The following BANF2 variants were observed in gnomAD, a reference collection of about 807,000 sequenced individuals.
BANF2 encodes BANF family member 2, also known as barrier-to-autointegration factor-like protein.
A neutral mutation model predicts 8.0 loss-of-function variants in BANF2; 4 were observed. That is an observed-to-expected ratio of 0.50 (90% confidence interval 0.25 to 1.14). The LOEUF is 1.14. BANF2 is among the 50% of genes most tolerant of loss of function. The probability of loss-of-function intolerance (pLI) is 0.16; values close to 1 mark genes in which losing one functional copy is unlikely to be tolerated. For missense variants in BANF2, 96 were observed against 107.5 expected (o/e 0.89, Z 0.47); for synonymous variants, 50 against 40.6 (o/e 1.23, Z -0.88).
rs7266953 is a variant in BANF2 at position 17,735,578 on chromosome 20, A to T, written c.127-87A>T. ...CTCCCCCTCCTTTGATTGTCACGTG[A>T]GCCCTGGTTGCTGGGAAGGAAGAGC... On this transcript the variant is annotated intron_variant, in intron 3 of 3. Coordinates refer to ENST00000246090, the MANE Select transcript of BANF2 (RefSeq NM_178477.5). The T allele has an allele frequency of 6.1e-5, 88 of 1,449,476 alleles. 1 individual carries two copies. The highest frequency in any genetic ancestry group is 4.3e-4 in the East Asian group (19 of 43,770). 89.8% of individuals were successfully genotyped at this position (1,449,476 alleles called of 1,614,324 possible). A position where few individuals can be genotyped will look rare whatever the true frequency, so the allele number is the denominator to read the frequency against.
rs141561035 is a variant in BANF2 at position 17,710,334 on chromosome 20, C to T, written c.-167+10279C>T. ...CTGGTCTTTGGAACCACCCAGACCT[C>T]AGCCTGCAGCTCATCACTGCCTTTT... On this transcript the variant is annotated intron_variant, in intron 1 of 3. Transcript: ENST00000246090. 6.5e-3 allele frequency among the ~76,000 whole-genome samples: 985 copies of T among 152,318 alleles called. 13 individuals are homozygous for T. The highest frequency in any genetic ancestry group is 0.023 in the African/African-American group (955 of 41,590).
intron 1 of BANF2, among the ~76,000 whole-genome samples, chr20:17,718,947 T>C (rs2037691840): frequency 6.6e-6 from 1 of 152,204 alleles, no homozygotes; most frequent in African/African-American, 2.4e-5. Flanking sequence ...CAGGATTATG[T>C]TGAGGCATCT....
chr20:17,708,359 C>T (rs575617220), intron 1 of BANF2, among the ~76,000 whole-genome samples: 1 of 152,284 alleles, frequency 6.6e-6, no homozygotes, highest in East Asian at 1.9e-4. Flanking sequence ...AGAGACAAAC[C>T]GTGGCATGGC....
At chr20:17,726,851 A>T (rs1410457264) in intron 3 of BANF2, among the ~76,000 whole-genome samples, 1 of 152,226 alleles carries the variant, frequency 6.6e-6, no homozygotes. Flanking sequence ...ACATACATTA[A>T]ATTTCACCCT....
intron 1 of BANF2, chr20:17,712,379 T>C (rs962377579): frequency 4.2e-6 from 1 of 239,686 alleles, no homozygotes; most frequent in Non-Finnish European, 6.7e-6. Flanking sequence ...TGCTGCTACA[T>C]TGTTGCCCAA....
At chr20:17,711,667 C>G (rs2037575748) in intron 1 of BANF2, among the ~76,000 whole-genome samples, 1 of 152,186 alleles carries the variant, frequency 6.6e-6, no homozygotes, top group Non-Finnish European at 1.5e-5. Flanking sequence ...GCTTCCACAT[C>G]CGCAAGCCAT....
chr20:17,707,572 C>CTA (rs761040114), intron 1 of BANF2, among the ~76,000 whole-genome samples: 45 of 150,920 alleles, frequency 3.0e-4, no homozygotes, highest in Middle Eastern at 3.4e-3. Context: ...TGACCTGATC[C>CTA]TATATATATA....
At chr20:17,709,554 T>C (rs1174571586) in intron 1 of BANF2, among the ~76,000 whole-genome samples, 1 of 152,264 alleles carries the variant, frequency 6.6e-6, no homozygotes, top group South Asian at 2.1e-4. Flanking sequence ...CCCCTTTGTT[T>C]TGGGGCAGCC....
intron 1 of BANF2, chr20:17,712,076 G>T: frequency 6.5e-6 from 1 of 152,736 alleles, no homozygotes. Context: ...GAATCTGCAG[G>T]ATGATGGCCT....
intron 1 of BANF2, among the ~76,000 whole-genome samples, chr20:17,709,731 A>G (rs1367345229): frequency 6.6e-6 from 1 of 152,228 alleles, no homozygotes; most frequent in Non-Finnish European, 1.5e-5. Context: ...AGGCCTGGCA[A>G]TGCCATAGGT....
chr20:17,704,860 C>A (rs976811394), intron 1 of BANF2, among the ~76,000 whole-genome samples: 1 of 152,162 alleles, frequency 6.6e-6, no homozygotes, highest in Admixed American at 6.5e-5. Flanking sequence ...TTGCCAGGAT[C>A]GCTCTGACAG....
At chr20:17,700,887 G>A (rs939154982) in intron 1 of BANF2, among the ~76,000 whole-genome samples, 1 of 152,136 alleles carries the variant, frequency 6.6e-6, no homozygotes, top group African/African-American at 2.4e-5. Flanking sequence ...TCTGTCTACG[G>A]TCCATTCACC....
At chr20:17,722,368 A>T (rs2037744872) in intron 1 of BANF2, among the ~76,000 whole-genome samples, 1 of 152,256 alleles carries the variant, frequency 6.6e-6, no homozygotes, top group Admixed American at 6.5e-5. Context: ...ACAGATGGCC[A>T]GCATGGATAG....
chr20:17,721,396 TTC>T (rs138217532), intron 1 of BANF2, among the ~76,000 whole-genome samples: 23,449 of 114,126 alleles, frequency 0.21, 1,989 homozygotes, highest in Middle Eastern at 0.35. Flanking sequence ...CTTTCTTTCT[TTC>T]TTTTTTTTTT....
chr20:17,700,137 C>G (rs909258071), intron 1 of BANF2, 82 bp downstream of exon 1: 2 of 515,708 alleles, frequency 3.9e-6, no homozygotes, highest in East Asian at 3.0e-4. Flanking sequence ...AGGTCTCATT[C>G]TCACACAGGT....
chr20:17,717,770 C>G (rs1284142301), intron 1 of BANF2, among the ~76,000 whole-genome samples: 2 of 152,172 alleles, frequency 1.3e-5, no homozygotes, highest in Admixed American at 1.3e-4. Context: ...CCCACAGATG[C>G]AGATTCCCCT....
chr20:17,710,199 G>A (rs1461754083), intron 1 of BANF2, among the ~76,000 whole-genome samples: 2 of 152,214 alleles, frequency 1.3e-5, no homozygotes, highest in Non-Finnish European at 2.9e-5. Context: ...CTTGCAGGGC[G>A]AAGAGCCACC....
intron 1 of BANF2, among the ~76,000 whole-genome samples, chr20:17,702,406 C>T (rs1435644767): frequency 1.3e-5 from 2 of 152,178 alleles, no homozygotes; most frequent in Non-Finnish European, 2.9e-5. Flanking sequence ...ATCTGCTAAT[C>T]GAAAGCAGCT....
intron 1 of BANF2, among the ~76,000 whole-genome samples, chr20:17,707,362 G>A (rs781443615): frequency 1.7e-4 from 23 of 135,486 alleles, no homozygotes; most frequent in Non-Finnish European, 3.0e-4. Context: ...TGGCCTGGGG[G>A]ACAGAGCGAG....
Sources: gnomAD v4.1 joint callset for allele counts (sites outside exome capture counted in the v4.1 genomes callset) on GRCh38, gnomAD v4.1.1 for gene constraint, MANE v1.5 for transcripts, NCBI Gene and HGNC (gene_info 2026-07-23, HGNC 2026-07-21) for gene names.